BCAS1: variants seen among roughly 807,000 people sequenced by gnomAD.
BCAS1 encodes the protein breast carcinoma-amplified sequence 1.
Under a neutral mutation model 65.4 loss-of-function variants are expected in BCAS1, and 46 were observed. That is an observed-to-expected ratio of 0.70 (90% CI 0.55 to 0.90). The LOEUF (loss-of-function observed/expected upper bound fraction) is 0.90, where lower values mean the gene tolerates loss of function less well. Ranked by LOEUF, BCAS1 falls within the 40% of genes least tolerant of loss-of-function variation. BCAS1 has a pLI of 0.00. For synonymous variants in BCAS1, 298 were observed against 293.5 expected (o/e 1.02, Z -0.16); for missense variants, 793 against 771.2 (o/e 1.03, Z -0.33).
chr20:54,062,262 TAAC>T (rs1683283781), intron 1 of BCAS1, among the ~76,000 whole-genome samples: 1 of 152,128 alleles, frequency 6.6e-6, no homozygotes. Context: ...GATAGAGTAA[TAAC>T]AATAACAACA....
intron 8 of BCAS1, among the ~76,000 whole-genome samples, chr20:53,978,678 A>G (rs1949860339): frequency 6.6e-6 from 1 of 152,222 alleles, no homozygotes; most frequent in African/African-American, 2.4e-5. Flanking sequence ...ACATTTGCAC[A>G]CTGGCCTGCA....
rs775793502 is a variant in BCAS1 at position 53,953,596 on chromosome 20, C to A, written c.1651G>T (p.Ala551Ser). 1 of 1,613,958 alleles carries A rather than the reference C, an allele frequency of 6.2e-7. No individual in the cohort carries two copies. The highest frequency in any genetic ancestry group is 8.5e-7 in the Non-Finnish European group (1 of 1,179,998). The change falls in exon 12 of 13, where the codon GCA (alanine) becomes TCA (serine). Residue 551 changes from alanine (A) to serine (S), a missense_variant. Physicochemically the swap from Ala to Ser is moderately conservative, Grantham distance 99. Transcript: ENST00000688948. ...CTCTTCTGCTTGTTCATCTCGGCTG[C>A]TGACTTCTTGTCCTTCGAGGAGCCC... ...KEGSSKDKKSAAEMNKQKSNK... is the reference protein window; with the variant it reads ...KEGSSKDKKSSAEMNKQKSNK...
At chr20:53,962,662 A>C (rs1418904184) in intron 10 of BCAS1, among the ~76,000 whole-genome samples, 5 of 151,096 alleles carry the variant, frequency 3.3e-5, no homozygotes, top group Admixed American at 6.6e-5. Flanking sequence ...TAATATGTAT[A>C]AGAATCTTTT....
intron 1 of BCAS1, 53 bp from the exon 2 acceptor site, chr20:54,058,776 C>G: frequency 6.3e-7 from 1 of 1,595,958 alleles, no homozygotes. Flanking sequence ...CCAAACGAAG[C>G]TACATGTGCT....
In BCAS1 at chr20:54,058,081, T is replaced by C; in HGVS notation, c.142+4A>G. 6.2e-7 allele frequency: 1 copy of C among 1,612,812 alleles called. No individual in the cohort carries two copies. On this transcript the variant is annotated splice_donor_region_variant and intron_variant, in intron 3 of 12. Transcript: ENST00000688948. Reference sequence around the variant, plus strand: ...GTAGATGCCCTTCCCAGAGTAGCACTGACCTTCCTCTAAGTGCTGAACTGT... The same window carrying C: ...GTAGATGCCCTTCCCAGAGTAGCACCGACCTTCCTCTAAGTGCTGAACTGT...
intron 7 of BCAS1, among the ~76,000 whole-genome samples, chr20:53,989,799 G>A (rs961379275): frequency 1.8e-4 from 28 of 152,158 alleles, no homozygotes; most frequent in Non-Finnish European, 2.9e-4. Context: ...GCCAGATTTA[G>A]CACATGAGAA....
chr20:54,062,482 A>G (rs1007714326), intron 1 of BCAS1, among the ~76,000 whole-genome samples: 4 of 152,380 alleles, frequency 2.6e-5, no homozygotes, highest in South Asian at 2.1e-4. Context: ...GAATATATAC[A>G]CACAAAGTAT....
chr20:54,055,617 T>C (rs1157139802), intron 3 of BCAS1, among the ~76,000 whole-genome samples: 1 of 152,100 alleles, frequency 6.6e-6, no homozygotes, highest in Non-Finnish European at 1.5e-5. Flanking sequence ...AGCAAAACCA[T>C]ATCAACTACC....
intron 12 of BCAS1, among the ~76,000 whole-genome samples, chr20:53,950,122 TTA>T (rs2089466408): frequency 7.1e-6 from 1 of 140,228 alleles, no homozygotes; most frequent in South Asian, 2.3e-4. Context: ...TCAGATAGGA[TTA>T]TGTCTGCATT....
At chr20:53,997,715 C>G (rs1313207131) in intron 4 of BCAS1, among the ~76,000 whole-genome samples, 1 of 152,100 alleles carries the variant, frequency 6.6e-6, no homozygotes, top group Admixed American at 6.5e-5. Flanking sequence ...ATCGGTGCAT[C>G]TGAGAAGCTG....
At chr20:54,058,589 A>AT in intron 2 of BCAS1, 58 bp downstream of exon 2, 3 of 1,440,138 alleles carry the variant, frequency 2.1e-6, no homozygotes, top group South Asian at 1.3e-5. Context: ...AAATACAGGA[A>AT]GTTCTTTTTT....
At chr20:53,949,720 G>A (rs184880803) in intron 12 of BCAS1, among the ~76,000 whole-genome samples, 30 of 152,284 alleles carry the variant, frequency 2.0e-4, no homozygotes, top group African/African-American at 7.2e-4. Flanking sequence ...GCTGAATGCT[G>A]CCTCTGTCTC....
At chr20:53,973,178 G>A (rs182016958) in intron 9 of BCAS1, among the ~76,000 whole-genome samples, 10 of 152,252 alleles carry the variant, frequency 6.6e-5, no homozygotes, top group Admixed American at 4.6e-4. Context: ...GCAGTGAGCC[G>A]AGATTGCGCC....
intron 4 of BCAS1, among the ~76,000 whole-genome samples, chr20:54,016,405 C>A (rs893987315): frequency 2.6e-5 from 4 of 152,138 alleles, no homozygotes; most frequent in Non-Finnish European, 5.9e-5. Flanking sequence ...TTGTAAAGAT[C>A]AAATTCGTGT....
intron 6 of BCAS1, among the ~76,000 whole-genome samples, chr20:53,993,671 C>T (rs891120695): frequency 1.3e-5 from 2 of 152,164 alleles, no homozygotes; most frequent in South Asian, 2.1e-4. Context: ...GAGCCTTTTA[C>T]GCTATGTGGC....
chr20:53,968,297 T>G (rs992152111), intron 9 of BCAS1, among the ~76,000 whole-genome samples: 5 of 152,198 alleles, frequency 3.3e-5, no homozygotes, highest in Admixed American at 3.3e-4. Flanking sequence ...GCTGCCTCCC[T>G]GGAAAGTACC....
chr20:53,987,904 G>A (rs1490335956), intron 7 of BCAS1, among the ~76,000 whole-genome samples: 8 of 152,260 alleles, frequency 5.3e-5, no homozygotes, highest in African/African-American at 1.7e-4. Context: ...GGCAAGTATC[G>A]GAGCAAAGAG....
At chr20:54,046,626 C>T (rs982294666) in intron 3 of BCAS1, among the ~76,000 whole-genome samples, 3 of 151,482 alleles carry the variant, frequency 2.0e-5, no homozygotes, top group African/African-American at 7.3e-5. Context: ...GGCAGATCAC[C>T]TGAAGTCAAG....
At chr20:53,960,832 T>C (rs1772548598) in intron 10 of BCAS1, among the ~76,000 whole-genome samples, 1 of 152,204 alleles carries the variant, frequency 6.6e-6, no homozygotes, top group African/African-American at 2.4e-5. Context: ...ACATAGAAAC[T>C]TATTTTTTCC....
Sources: allele counts gnomAD v4.1 joint callset (sites outside exome capture counted in the v4.1 genomes callset), GRCh38; gene constraint gnomAD v4.1.1; transcripts MANE v1.5; gene names NCBI Gene and HGNC (gene_info 2026-07-23, HGNC 2026-07-21).